Variants in EPSTI1 observed in about 807,000 individuals in gnomAD.
EPSTI1 encodes epithelial stromal interaction 1, also known as epithelial-stromal interaction protein 1.
Under a neutral mutation model 49.9 loss-of-function variants are expected in EPSTI1, and 66 were observed. That is an observed-to-expected ratio of 1.32 (90% CI 1.08 to 1.62). The LOEUF is 1.62. Ranked by LOEUF, EPSTI1 falls within the 40% of genes most tolerant of loss-of-function variation. EPSTI1 has a pLI of 0.00. For missense variants in EPSTI1, 394 were observed against 365.5 expected (o/e 1.08, Z -0.64); for synonymous variants, 137 against 130.7 (o/e 1.05, Z -0.33).
chr13:42,956,778 G>A (rs1461214769), intron 5 of EPSTI1, among the ~76,000 whole-genome samples: 2 of 152,300 alleles, frequency 1.3e-5, no homozygotes, highest in South Asian at 2.1e-4. Context: ...AAGAGAATAT[G>A]TTAGCTCAAG....
intron 5 of EPSTI1, among the ~76,000 whole-genome samples, chr13:42,956,216 C>T (rs1053854715): frequency 2.6e-5 from 4 of 152,278 alleles, no homozygotes; most frequent in African/African-American, 7.2e-5. Flanking sequence ...ATCCTGAGCA[C>T]GAGAGCCAAG....
chr13:42,984,457 T>C (rs914717456), intron 1 of EPSTI1, among the ~76,000 whole-genome samples: 1 of 152,248 alleles, frequency 6.6e-6, no homozygotes, highest in Admixed American at 6.5e-5. Flanking sequence ...ATGTGGCTTA[T>C]TCAGATGCAA....
At chr13:42,950,665 A>C (rs1318452441) in intron 6 of EPSTI1, among the ~76,000 whole-genome samples, 1 of 152,178 alleles carries the variant, frequency 6.6e-6, no homozygotes, top group Non-Finnish European at 1.5e-5. Context: ...TCTACAGAAA[A>C]AAAATACCAT....
At chr13:42,948,841 A>T (rs2153427543) in intron 6 of EPSTI1, among the ~76,000 whole-genome samples, 1 of 152,344 alleles carries the variant, frequency 6.6e-6, no homozygotes, top group South Asian at 2.1e-4. Flanking sequence ...TTAAAACCAT[A>T]TGAATATATA....
chr13:42,979,642 AT>A lies in EPSTI1; in HGVS notation c.189-8973del, dbSNP rs376642581. Among the ~76,000 whole-genome samples, 659 of 151,980 alleles carry A rather than the reference AT, an allele frequency of 4.3e-3. 5 individuals carry two copies. Among genetic ancestry groups the A allele is most frequent in the African/African-American group, 0.015 (619 of 41,466 alleles). ...TTTTAAGCCTAACAAGCAAAGTTAT[AT>A]ATTATTAAAATGAATATCCATATAC... is the stretch of plus-strand genomic sequence containing the variant. On this transcript the variant is annotated intron_variant, in intron 1 of 10. Transcript: ENST00000313624.
intron 6 of EPSTI1, among the ~76,000 whole-genome samples, chr13:42,942,681 TTTTTTTTTTTTTTTTTTTG>T: frequency 1.7e-5 from 2 of 114,506 alleles, no homozygotes; most frequent in African/African-American, 3.4e-5. Flanking sequence ...TTTTTTTTTT[TTTTTTTTTTTTTTTTTTTG>T]AGACGGAGTC....
At chr13:42,906,469 G>A (rs185038762) in intron 8 of EPSTI1, among the ~76,000 whole-genome samples, 10 of 152,268 alleles carry the variant, frequency 6.6e-5, no homozygotes, top group Non-Finnish European at 1.0e-4. Context: ...AAATGCCATC[G>A]CCTGGCAAAA....
intron 6 of EPSTI1, among the ~76,000 whole-genome samples, chr13:42,944,839 A>G (rs1447180578): frequency 6.6e-6 from 1 of 152,214 alleles, no homozygotes; most frequent in African/African-American, 2.4e-5. Flanking sequence ...AGAAAAATAC[A>G]TGGACCTTGT....
chr13:42,977,740 T>G (rs55768487), intron 1 of EPSTI1, among the ~76,000 whole-genome samples: 18,088 of 152,272 alleles, frequency 0.12, 1,175 homozygotes, highest in Non-Finnish European at 0.15. Context: ...CTGTACAACT[T>G]TGAGCAGATT....
chr13:42,959,699 A>G (rs1164858533), intron 5 of EPSTI1, among the ~76,000 whole-genome samples: 1 of 152,208 alleles, frequency 6.6e-6, no homozygotes, highest in Non-Finnish European at 1.5e-5. Flanking sequence ...GCCATGGCTT[A>G]CTGGAAAGAG....
rs181871489 is a variant in EPSTI1, at chr13:42,974,115, C to T, written c.189-3445G>A. 1.5e-3 allele frequency among the ~76,000 whole-genome samples: 235 copies of T among 151,794 alleles called. 5 individuals are homozygous for T. In the East Asian group the frequency reaches 0.037, roughly 24 times the overall value. The stretch of plus-strand genomic sequence containing the variant: ...CTTTGGGGGGCTGAGGCGGGTGGAT[C>T]ACTTGAGGTCAGGAGTTCAAGACCA... On this transcript the variant is annotated intron_variant, in intron 1 of 10. Coordinates refer to ENST00000313624, the MANE Select transcript of EPSTI1 (RefSeq NM_033255.5).
intron 1 of EPSTI1, among the ~76,000 whole-genome samples, chr13:42,991,671 T>C (rs1317473705): frequency 1.3e-5 from 2 of 152,202 alleles, no homozygotes; most frequent in East Asian, 1.9e-4. Context: ...GAAAATGACA[T>C]CTTACTGGAT....
intron 1 of EPSTI1, among the ~76,000 whole-genome samples, chr13:42,979,549 G>C (rs565236815): frequency 2.7e-4 from 37 of 139,026 alleles, no homozygotes; most frequent in Non-Finnish European, 5.0e-4. Context: ...CGCGCCGCTG[G>C]ACTCCAGCCT....
chr13:42,893,297 GA>G (rs922444553), intron 10 of EPSTI1, among the ~76,000 whole-genome samples: 2 of 152,202 alleles, frequency 1.3e-5, no homozygotes, highest in Non-Finnish European at 2.9e-5. Flanking sequence ...CAGTAGAGAG[GA>G]GAGAGTATTA....
At chr13:42,933,404 C>G (rs551280284) in intron 6 of EPSTI1, among the ~76,000 whole-genome samples, 1 of 149,546 alleles carries the variant, frequency 6.7e-6, no homozygotes, top group Non-Finnish European at 1.5e-5. Flanking sequence ...CACAACCCCC[C>G]GAAATGGAAC....
intron 8 of EPSTI1, among the ~76,000 whole-genome samples, chr13:42,916,079 TTTATG>T (rs1232623573): frequency 1.3e-5 from 2 of 152,070 alleles, no homozygotes; most frequent in African/African-American, 4.8e-5. Flanking sequence ...ACCTCACAAT[TTTATG>T]TTAAGTTAAA....
intron 1 of EPSTI1, among the ~76,000 whole-genome samples, chr13:42,989,616 C>T (rs2040156885): frequency 1.0e-5 from 1 of 96,878 alleles, no homozygotes; most frequent in Non-Finnish European, 2.2e-5. Context: ...GTTTTTGAGA[C>T]AGAGTCTCAC....
chr13:42,919,112 C>T (rs1243363738), intron 7 of EPSTI1, among the ~76,000 whole-genome samples: 2 of 152,040 alleles, frequency 1.3e-5, no homozygotes, highest in African/African-American at 4.8e-5. Context: ...AATAGCCTCC[C>T]TTTAAACTTG....
Position 42,954,006 on chromosome 13 carries a change from C to T in EPSTI1, c.505G>A (p.Glu169Lys). 1 of 1,611,742 alleles carries T rather than the reference C, an allele frequency of 6.2e-7. No individual in the cohort carries two copies. Among genetic ancestry groups the T allele is most frequent in the Non-Finnish European group, 8.5e-7 (1 of 1,179,500 alleles). Residue 169 changes from glutamate to lysine, a missense_variant, in exon 6 of 11, where the codon GAG becomes AAG. Transcript: ENST00000313624. Reference protein sequence around the residue: ...IQREKSNKLEEKKRLQENLRR... With the variant: ...IQREKSNKLEKKKRLQENLRR... ...AGGTTTTCTTGAAGTCTTTTTTTCT[C>T]CTCCAGTTTATTGCTCTGAAATTGC... is the stretch of plus-strand genomic sequence containing the variant.
Sources: allele counts gnomAD v4.1 joint callset (sites outside exome capture counted in the v4.1 genomes callset), GRCh38; gene constraint gnomAD v4.1.1; transcripts MANE v1.5; gene names NCBI Gene and HGNC (gene_info 2026-07-23, HGNC 2026-07-21).